The following ING5 variants were observed in gnomAD, a reference collection of about 807,000 sequenced individuals.
ING5 encodes the protein inhibitor of growth family member 5, also known as inhibitor of growth protein 5.
In ING5, 17 loss-of-function variants were observed where a neutral mutation model predicts 37.4. That is an observed-to-expected ratio of 0.45 (90% CI 0.31 to 0.68). ING5 has a LOEUF of 0.68. ING5 is among the 30% of genes least tolerant of loss of function. The pLI, the probability that ING5 is intolerant of heterozygous loss-of-function variation, is 0.05. For missense variants in ING5, 233 were observed against 311.9 expected (o/e 0.75, Z 1.91); for synonymous variants, 123 against 116.6 (o/e 1.06, Z -0.36).
At position 241,726,440 on chromosome 2, in the gene ING5, C is replaced by G. The variant is rs1039213752; in HGVS notation, c.*1409C>G. On this transcript the variant is annotated 3_prime_UTR_variant, in exon 8 of 8. Coordinates refer to ENST00000313552, the MANE Select transcript of ING5 (RefSeq NM_032329.6). The stretch of plus-strand genomic sequence containing the variant: ...TGTGTCTCAGACGGGGCCCTCCCGT[C>G]GAGAAGCTGGTAGTCAGTGAGTGAG... 1 of 152,232 alleles carries G rather than the reference C, an allele frequency of 6.6e-6. No homozygotes were observed. The highest frequency in any genetic ancestry group is 1.5e-5 in the Non-Finnish European group (1 of 68,052). The allele number at this position is 152,232 out of a possible 1,614,324, so 9.4% of individuals were successfully genotyped here. A position where few individuals can be genotyped will look rare whatever the true frequency, so the allele number is the denominator to read the frequency against.
chr2:241,701,978 T>C (rs2069738678), upstream of ING5: 2 of 960,674 alleles, frequency 2.1e-6, no homozygotes, highest in Non-Finnish European at 2.7e-6. Context: ...GCGCGACTCA[T>C]GAATAGTGAG....
chr2:241,691,649 AT>A (rs1055557165), intron 2 of ING5, among the ~76,000 whole-genome samples: 1 of 152,132 alleles, frequency 6.6e-6, no homozygotes, highest in African/African-American at 2.4e-5. Flanking sequence ...TGCCCGACAG[AT>A]TGCTGCCTGG....
upstream of ING5, among the ~76,000 whole-genome samples, chr2:241,697,202 G>A (rs180676599): frequency 6.6e-4 from 100 of 152,152 alleles, 2 homozygotes; most frequent in East Asian, 0.014. Context: ...TTGGGAGGCC[G>A]GGGCAGGCGG....
chr2:241,711,350 A>G (rs1207430277), intron 3 of ING5, 27 bp from the exon 4 acceptor site: 1 of 1,456,298 alleles, frequency 6.9e-7, no homozygotes, highest in Non-Finnish European at 9.1e-7. Flanking sequence ...TTTACTTTAA[A>G]ATAAGACTTT....
At chr2:241,692,924 T>A (rs2069575968) in intron 2 of ING5, among the ~76,000 whole-genome samples, 1 of 152,126 alleles carries the variant, frequency 6.6e-6, no homozygotes, top group Admixed American at 6.6e-5. Context: ...AGCAGACACA[T>A]GAAAACTGTT....
exon 1 of ING5, chr2:241,687,126 A>T: frequency 2.6e-6 from 1 of 388,194 alleles, no homozygotes; most frequent in Non-Finnish European, 4.5e-6. Flanking sequence ...CAGGGCGCGG[A>T]CGAGGGGAGC....
At chr2:241,705,947 A>G (rs1034845181) in intron 2 of ING5, among the ~76,000 whole-genome samples, 1 of 151,378 alleles carries the variant, frequency 6.6e-6, no homozygotes, top group Non-Finnish European at 1.5e-5. Context: ...ACACTGAGCC[A>G]TGCCACCTGC....
chr2:241,724,849 C>T (rs1327463207), intron 7 of ING5, 140 bp from the exon 8 acceptor site: 15 of 764,956 alleles, frequency 2.0e-5, no homozygotes, highest in South Asian at 6.5e-5. Context: ...GGGAGGGCCG[C>T]GGCCCCACTG....
intron 7 of ING5, chr2:241,723,837 C>A: frequency 1.3e-6 from 2 of 1,573,672 alleles, no homozygotes; most frequent in Non-Finnish European, 1.7e-6. Context: ...TCGGGAGACC[C>A]CAACTCTACA....
intron 4 of ING5, 122 bp downstream of exon 4, chr2:241,711,610 T>G: frequency 1.3e-6 from 1 of 756,986 alleles, no homozygotes; most frequent in Non-Finnish European, 2.1e-6. Context: ...GGGTAAACCT[T>G]GTCTTGCAGG....
intron 4 of ING5, 90 bp downstream of exon 4, chr2:241,711,578 C>A: frequency 3.1e-6 from 3 of 960,090 alleles, no homozygotes; most frequent in South Asian, 1.6e-5. Context: ...AAAGTATGAT[C>A]ACTAGGGTAA....
intron 3 of ING5, among the ~76,000 whole-genome samples, chr2:241,710,950 T>C (rs2070091941): frequency 1.3e-5 from 2 of 152,174 alleles, no homozygotes; most frequent in Admixed American, 6.5e-5. Flanking sequence ...GATTTTACCA[T>C]GTTGGTCAGG....
At position 241,725,217 on chromosome 2, in the gene ING5, C is replaced by T; in HGVS notation, c.*186C>T. The T allele has an allele frequency of 6.2e-6, 4 of 647,938 alleles. No individual in the cohort carries two copies. Among genetic ancestry groups the T allele is most frequent in the Non-Finnish European group, 2.7e-6 (1 of 366,064 alleles). 40.1% of individuals were successfully genotyped at this position (647,938 alleles called of 1,614,324 possible). The stretch of plus-strand genomic sequence containing the variant: ...CTGTTCGCACAGAAGGGCGACCTTG[C>T]AGGGACTCGCCGCCGCGACCTCAGT... On this transcript the variant is annotated 3_prime_UTR_variant, in exon 8 of 8. Coordinates refer to ENST00000313552, the MANE Select transcript of ING5 (RefSeq NM_032329.6).
intron 1 of ING5, among the ~76,000 whole-genome samples, chr2:241,702,309 G>T (rs899940966): frequency 6.7e-6 from 1 of 149,994 alleles, no homozygotes; most frequent in Admixed American, 6.6e-5. Flanking sequence ...GGTCCCGCCG[G>T]CTGGGTCGCG....
rs1575119652 is a variant in ING5, at chr2:241,702,114, C to A, written c.37+12C>A. ...GCACTATCTGGACAGTAAGCGCGCC[C>A]CACGGGCCCCGCGCCCGCCGCCCAC... is the stretch of plus-strand genomic sequence containing the variant. On this transcript the variant is annotated intron_variant, in intron 1 of 7. Transcript: ENST00000313552. 6.9e-6 allele frequency: 9 copies of A among 1,312,422 alleles called. No individual in the cohort carries two copies. Among genetic ancestry groups the A allele is most frequent in the Admixed American group, 6.8e-5 (2 of 29,562 alleles). The allele number at this position is 1,312,422 out of a possible 1,614,324, so 81.3% of individuals were successfully genotyped here.
rs2124967584 is a variant in ING5, at chr2:241,729,463, T to C, written c.*4432T>C. The stretch of plus-strand genomic sequence containing the variant: ...TGGATATATTGTTTAATAAATAAAG[T>C]ATTTTTTGGAACAAACAATTGAAAG... On this transcript the variant is annotated 3_prime_UTR_variant, in exon 8 of 8. Coordinates refer to ENST00000313552, the MANE Select transcript of ING5 (RefSeq NM_032329.6). The C allele has an allele frequency of 6.5e-6, 1 of 152,746 alleles. No individual in the cohort carries two copies. The allele number at this position is 152,746 out of a possible 1,614,324, so 9.5% of individuals were successfully genotyped here.
chr2:241,705,872 GGTT>G (rs1361844192), intron 2 of ING5, among the ~76,000 whole-genome samples: 1 of 152,164 alleles, frequency 6.6e-6, no homozygotes, highest in African/African-American at 2.4e-5. Flanking sequence ...CCTGGCTGTA[GGTT>G]GTTAGAATTT....
chr2:241,711,886 CAG>C, intron 4 of ING5, 90 bp from the exon 5 acceptor site: 2 of 1,140,412 alleles, frequency 1.8e-6, no homozygotes, highest in Non-Finnish European at 1.2e-6. Context: ...GCCTGGGAGA[CAG>C]AGCGAGACCC....
chr2:241,722,843 G>A (rs1465491118), intron 5 of ING5, 96 bp from the exon 6 acceptor site: 3 of 1,564,404 alleles, frequency 1.9e-6, no homozygotes, highest in Non-Finnish European at 2.6e-6. Flanking sequence ...TTTGGGGTGA[G>A]GGGGCCTTAA....
Sources: allele counts gnomAD v4.1 joint callset (sites outside exome capture counted in the v4.1 genomes callset), GRCh38; gene constraint gnomAD v4.1.1; transcripts MANE v1.5; gene names NCBI Gene and HGNC (gene_info 2026-07-23, HGNC 2026-07-21).